Variants in PCYT1A observed in about 807,000 individuals in gnomAD.
PCYT1A encodes phosphate cytidylyltransferase 1A, choline, also known as choline-phosphate cytidylyltransferase A.
A neutral mutation model predicts 43.7 loss-of-function variants in PCYT1A; 25 were observed. That is an observed-to-expected ratio of 0.57 (90% CI 0.42 to 0.80). The LOEUF is 0.80. PCYT1A is among the 30% of genes least tolerant of loss of function. The probability of loss-of-function intolerance (pLI) is 0.00; values close to 1 mark genes in which losing one functional copy is unlikely to be tolerated. For synonymous variants in PCYT1A, 172 were observed against 170.7 expected, an observed-to-expected ratio of 1.01 and a Z score of -0.06; for missense variants, 421 against 474.2, an observed-to-expected ratio of 0.89 and a Z score of 1.04.
At chr3:196,280,570 G>GTTTTTTTT in intron 1 of PCYT1A, among the ~76,000 whole-genome samples, 3 of 91,342 alleles carry the variant, frequency 3.3e-5, no homozygotes, top group African/African-American at 4.2e-5. Context: ...TATTTTTATT[G>GTTTTTTTT]TTTTTTTTTT....
rs771371499 is a variant in PCYT1A at position 196,247,435 on chromosome 3, G to A, written c.418C>T (p.Arg140Cys). 1.1e-5 allele frequency: 18 copies of A among 1,614,066 alleles called. No individual in the cohort carries two copies. The highest frequency in any genetic ancestry group is 1.4e-5 in the Non-Finnish European group (17 of 1,179,994). ...NERYDAVQHC[R>C]YVDEVVRNAP... is the part of the protein sequence containing the mutation. The stretch of plus-strand genomic sequence containing the variant: ...TTCCTCACCACCTCATCCACGTAGC[G>A]GCAGTGCTGGACTGCGTCATAGCGC... The change falls in exon 5 of 9, where the codon CGC becomes TGC. Residue 140 changes from arginine (R) to cysteine (C), a missense_variant. Transcript: ENST00000431016. The surrounding 1 kb of genome is among the most constrained non-coding windows in gnomAD (Gnocchi z 4.8).
intron 1 of PCYT1A, among the ~76,000 whole-genome samples, chr3:196,278,961 A>T (rs922511449): frequency 2.1e-5 from 3 of 146,332 alleles, no homozygotes; most frequent in African/African-American, 7.7e-5. Context: ...CGCCTGGGTG[A>T]CAGAGCAAGA....
intron 1 of PCYT1A, among the ~76,000 whole-genome samples, chr3:196,284,752 A>T (rs1328455068): frequency 6.6e-6 from 1 of 152,210 alleles, no homozygotes; most frequent in Non-Finnish European, 1.5e-5. Context: ...GGAATTTGCA[A>T]AGCAAATCTT....
rs572682356 is a variant in PCYT1A, at chr3:196,248,433, G to A, written c.218-110C>T. 574 of 587,702 alleles carry A rather than the reference G, an allele frequency of 9.8e-4. 1 individual carries two copies. The highest frequency in any genetic ancestry group is 1.5e-3 in the Non-Finnish European group (489 of 330,020). 36.4% of individuals were successfully genotyped at this position (587,702 alleles called of 1,614,324 possible). ...GTCACCCAGGCTGGAGTGCAGTGGCGTGATCTCGGCTCACTGCAACTTCCG... is the reference window on the plus strand; with the variant it reads ...GTCACCCAGGCTGGAGTGCAGTGGCATGATCTCGGCTCACTGCAACTTCCG... On this transcript the variant is annotated intron_variant, in intron 3 of 8. Coordinates refer to ENST00000431016, the MANE Select transcript of PCYT1A (RefSeq NM_001312673.2).
chr3:196,270,331 A>G, intron 2 of PCYT1A, 84 bp downstream of exon 2: 1 of 865,188 alleles, frequency 1.2e-6, no homozygotes, highest in Non-Finnish European at 1.9e-6. Context: ...CCTTCTTTTC[A>G]TTATTTCAGA....
rs1274235817 is a variant in PCYT1A at position 196,257,886 on chromosome 3, C to T, written c.119G>A (p.Gly40Asp). The T allele has an allele frequency of 6.2e-7, 1 of 1,606,120 alleles. No homozygotes were observed. Among genetic ancestry groups the T allele is most frequent in the Non-Finnish European group, 8.5e-7 (1 of 1,173,674 alleles). ...VPSKVQRCAV[G>D]LRQPAPFSDE... ...AGAAAAAGGAGCTGGTTGCCGTAAG[C>T]CCTTAAGAAATGGAAAGTGAAGGAA... The change falls in exon 3 of 9, where the codon GGC becomes GAC. Residue 40 changes from glycine to aspartate, a missense_variant and splice_region_variant. By Grantham distance (94) the Gly-to-Asp change is moderately conservative (BLOSUM62 -1). Transcript: ENST00000431016.
At position 196,242,550 on chromosome 3, in the gene PCYT1A, C is replaced by G. The variant is rs201875130; in HGVS notation, c.565+12G>C. The G allele has an allele frequency of 1.8e-4, 279 of 1,569,682 alleles. No individual in the cohort carries two copies. In the Middle Eastern group the frequency reaches 2.3e-3, roughly 13 times the overall value. On this transcript the variant is annotated intron_variant, in intron 6 of 8. Coordinates refer to ENST00000431016, the MANE Select transcript of PCYT1A (RefSeq NM_001312673.2). This position sits in a 1 kb window ranked among gnomAD's most constrained non-coding sequence, Gnocchi z 4.2. ...TGAGATCCCCTACAGTGAGGAAGCA[C>G]AGCTCACTCACCTGCCTCCTTGATG...
intron 3 of PCYT1A, among the ~76,000 whole-genome samples, chr3:196,257,577 C>T (rs1396092256): frequency 6.6e-6 from 1 of 152,098 alleles, no homozygotes; most frequent in Non-Finnish European, 1.5e-5. Flanking sequence ...GCCCAGGAAA[C>T]AGGTGCATAA....
intron 3 of PCYT1A, among the ~76,000 whole-genome samples, chr3:196,253,504 T>C (rs1724865296): frequency 6.6e-6 from 1 of 152,190 alleles, no homozygotes; most frequent in Non-Finnish European, 1.5e-5. Context: ...TCTTTGCTAC[T>C]AGACAGCATA....
chr3:196,285,933 C>A (rs925933160), intron 1 of PCYT1A, among the ~76,000 whole-genome samples: 2 of 152,114 alleles, frequency 1.3e-5, no homozygotes, highest in African/African-American at 4.8e-5. Flanking sequence ...ATTTTCTGCC[C>A]CTATCTTGAG....
intron 2 of PCYT1A, among the ~76,000 whole-genome samples, chr3:196,264,368 C>T (rs900919705): frequency 2.0e-5 from 3 of 152,170 alleles, no homozygotes; most frequent in Non-Finnish European, 2.9e-5. Flanking sequence ...CGATTACAGG[C>T]GTGAAGCCAC....
chr3:196,249,619 T>C (rs1724685660), intron 3 of PCYT1A, among the ~76,000 whole-genome samples: 1 of 152,200 alleles, frequency 6.6e-6, no homozygotes, highest in Non-Finnish European at 1.5e-5. Flanking sequence ...AGCATAATGG[T>C]CCATCATGCT....
At chr3:196,272,487 T>A (rs1000472185) in intron 1 of PCYT1A, among the ~76,000 whole-genome samples, 1 of 152,142 alleles carries the variant, frequency 6.6e-6, no homozygotes, top group Admixed American at 6.5e-5. Flanking sequence ...CCTAGCCAAT[T>A]TTTGTATTTT....
chr3:196,253,813 G>C (rs993039514), intron 3 of PCYT1A, among the ~76,000 whole-genome samples: 1 of 152,002 alleles, frequency 6.6e-6, no homozygotes, highest in Admixed American at 6.6e-5. Flanking sequence ...GAAAGCTAGC[G>C]TTAGCCATTC....
intron 1 of PCYT1A, among the ~76,000 whole-genome samples, chr3:196,276,433 ATCTCTACAAAAATACAAAAAT>A (rs1331766953): frequency 6.6e-6 from 1 of 151,750 alleles, no homozygotes; most frequent in Non-Finnish European, 1.5e-5. Flanking sequence ...GTGAAACTCC[ATCTCTACAAAAATACAAAAAT>A]TAGCCAGACT....
At position 196,247,818 on chromosome 3, in the gene PCYT1A, C is replaced by A. The variant is rs1283182902; in HGVS notation, c.335-300G>T. ...TGTGCGTGTCTGCATCAATTAAGTC[C>A]TTAAACATGTTTTCCTGTTTTATTC... On this transcript the variant is annotated intron_variant, in intron 4 of 8. Transcript: ENST00000431016. The surrounding 1 kb of genome is among the most constrained non-coding windows in gnomAD (Gnocchi z 4.8). The A allele has an allele frequency of 7.3e-6, 4 of 546,112 alleles. No individual in the cohort carries two copies. The allele number at this position is 546,112 out of a possible 1,614,324, so 33.8% of individuals were successfully genotyped here.
At position 196,238,503 on chromosome 3, in the gene PCYT1A, G is replaced by A. The variant is rs747798830; in HGVS notation, c.*185C>T. 2.1e-4 allele frequency: 93 copies of A among 435,090 alleles called. 2 individuals carry two copies. The highest frequency in any genetic ancestry group is 7.4e-5 in the Non-Finnish European group (18 of 243,248). 27.0% of individuals were successfully genotyped at this position (435,090 alleles called of 1,614,324 possible). A position where few individuals can be genotyped will look rare whatever the true frequency, so the allele number is the denominator to read the frequency against. On this transcript the variant is annotated 3_prime_UTR_variant, in exon 9 of 9. Coordinates refer to ENST00000431016, the MANE Select transcript of PCYT1A (RefSeq NM_001312673.2). ...AAGGTGCAGTCCCCCTCCTTCGTGTGGGTGAGTGATGTCACTTGCAGGACA... is the reference window on the plus strand; with the variant it reads ...AAGGTGCAGTCCCCCTCCTTCGTGTAGGTGAGTGATGTCACTTGCAGGACA...
intron 7 of PCYT1A, chr3:196,240,699 AAAAAG>A (rs1398055040): frequency 6.6e-6 from 1 of 152,162 alleles, no homozygotes; most frequent in Non-Finnish European, 1.5e-5. Context: ...TCAAAAAAAG[AAAAAG>A]AAAAGTACTC....
intron 1 of PCYT1A, among the ~76,000 whole-genome samples, chr3:196,274,704 G>A (rs1725538601): frequency 6.6e-6 from 1 of 152,170 alleles, no homozygotes; most frequent in South Asian, 2.1e-4. Context: ...AACTGCAACT[G>A]TGCCTTACTT....
Sources: gnomAD v4.1 joint callset for allele counts (sites outside exome capture counted in the v4.1 genomes callset) on GRCh38, gnomAD v4.1.1 for gene constraint, Gnocchi (gnomAD v3.1) non-coding constraint, MANE v1.5 for transcripts, NCBI Gene and HGNC (gene_info 2026-07-23, HGNC 2026-07-21) for gene names.